Variants in CNBD1 observed in about 807,000 individuals in gnomAD.
CNBD1 encodes the protein cyclic nucleotide binding domain containing 1.
A neutral mutation model predicts 54.4 loss-of-function variants in CNBD1; 71 were observed. The observed-to-expected ratio is 1.30, with a 90% CI of 1.08 to 1.59. CNBD1 has a LOEUF of 1.59. CNBD1 is among the 40% of genes most tolerant of loss of function. CNBD1 has a pLI of 0.00. For synonymous variants in CNBD1, 182 were observed against 170.7 expected, an observed-to-expected ratio of 1.07 and a Z score of -0.51; for missense variants, 659 against 518.0, an observed-to-expected ratio of 1.27 and a Z score of -2.64.
intron 4 of CNBD1, among the ~76,000 whole-genome samples, chr8:87,152,876 A>T (rs1200027068): frequency 6.6e-6 from 1 of 152,168 alleles, no homozygotes; most frequent in Non-Finnish European, 1.5e-5. Flanking sequence ...AAGTTGTGTT[A>T]TATTAGTTTC....
chr8:87,370,568 G>T (rs1810763569), intron 10 of CNBD1, among the ~76,000 whole-genome samples: 1 of 151,930 alleles, frequency 6.6e-6, no homozygotes. Flanking sequence ...ACTTTTTGAT[G>T]GGGTTGTTTG....
At chr8:87,328,635 C>G (rs778954555) in intron 8 of CNBD1, among the ~76,000 whole-genome samples, 29 of 152,020 alleles carry the variant, frequency 1.9e-4, no homozygotes, top group Non-Finnish European at 3.8e-4. Flanking sequence ...GTCTGTTTAT[C>G]TATAAAATGC....
intron 6 of CNBD1, among the ~76,000 whole-genome samples, chr8:87,267,163 C>T (rs1808275145): frequency 6.6e-6 from 1 of 151,884 alleles, no homozygotes. Context: ...TCAAAAAGGA[C>T]AATATAATGA....
chr8:86,899,138 GAT>G (rs1379340763), intron 2 of CNBD1, among the ~76,000 whole-genome samples: 3 of 152,000 alleles, frequency 2.0e-5, no homozygotes, highest in African/African-American at 7.2e-5. Context: ...CAAATACAGA[GAT>G]AGAGAACAGT....
intron 4 of CNBD1, among the ~76,000 whole-genome samples, chr8:87,179,077 AT>A (rs534862853): frequency 1.7e-3 from 265 of 152,134 alleles, no homozygotes; most frequent in Non-Finnish European, 2.9e-3. Flanking sequence ...TGCCCAGCTA[AT>A]TTTTGTATTT....
chr8:87,005,618 G>C (rs1809082412), intron 4 of CNBD1, among the ~76,000 whole-genome samples: 1 of 151,750 alleles, frequency 6.6e-6, no homozygotes, highest in Admixed American at 6.6e-5. Flanking sequence ...AATTCAGTAG[G>C]ATTATCATGT....
At chr8:87,333,472 A>G (rs975468235) in intron 8 of CNBD1, among the ~76,000 whole-genome samples, 1 of 152,110 alleles carries the variant, frequency 6.6e-6, no homozygotes, top group Non-Finnish European at 1.5e-5. Context: ...AGGGAATACT[A>G]CCAGCTTTTG....
intron 4 of CNBD1, among the ~76,000 whole-genome samples, chr8:86,976,101 G>C (rs1808335273): frequency 6.8e-6 from 1 of 148,142 alleles, no homozygotes. Flanking sequence ...TGAGTAATTT[G>C]AGTTTCTTAT....
chr8:87,096,985 C>T (rs140866885), intron 4 of CNBD1, among the ~76,000 whole-genome samples: 26 of 152,294 alleles, frequency 1.7e-4, no homozygotes, highest in African/African-American at 6.3e-4. Flanking sequence ...TACTTGGAAG[C>T]AGACACAGCT....
intron 8 of CNBD1, among the ~76,000 whole-genome samples, chr8:87,323,936 G>C (rs1586013148): frequency 7.2e-6 from 1 of 138,434 alleles, no homozygotes; most frequent in Middle Eastern, 3.6e-3. Context: ...ATTGGCTGTG[G>C]GTTTGCCATA....
At chr8:87,219,138 G>A (rs1177847825) in intron 5 of CNBD1, among the ~76,000 whole-genome samples, 1 of 151,922 alleles carries the variant, frequency 6.6e-6, no homozygotes, top group African/African-American at 2.4e-5. Flanking sequence ...TGATACATGA[G>A]GCTTAGACAT....
intron 8 of CNBD1, among the ~76,000 whole-genome samples, chr8:87,303,967 C>T (rs1220015594): frequency 6.6e-6 from 1 of 152,014 alleles, no homozygotes; most frequent in African/African-American, 2.4e-5. Flanking sequence ...GAATGTCGAT[C>T]ATTAAAAAGT....
chr8:86,936,630 C>T (rs548827782), intron 3 of CNBD1, among the ~76,000 whole-genome samples: 6 of 151,512 alleles, frequency 4.0e-5, no homozygotes, highest in Non-Finnish European at 7.4e-5. Flanking sequence ...GTAGTCCCAG[C>T]TACTCAGGAG....
rs1808760321 is a variant in CNBD1 at position 87,290,132 on chromosome 8, C to T, written c.1042+3461C>T. Among the ~76,000 whole-genome samples the T allele has an allele frequency of 1.3e-5, 2 of 152,016 alleles. 1 individual carries two copies. Among genetic ancestry groups the T allele is most frequent in the South Asian group, 4.1e-4 (2 of 4,830 alleles). On this transcript the variant is annotated intron_variant, in intron 8 of 10. Coordinates refer to ENST00000518476, the MANE Select transcript of CNBD1 (RefSeq NM_173538.3). ...CCAGTTTTAAATGTGACTCATGTAGCTCTATTTCCATTTCCTCCTTTATAT... is the reference window on the plus strand; with the variant it reads ...CCAGTTTTAAATGTGACTCATGTAGTTCTATTTCCATTTCCTCCTTTATAT...
intron 4 of CNBD1, among the ~76,000 whole-genome samples, chr8:87,181,953 T>A (rs904979084): frequency 2.0e-5 from 3 of 152,170 alleles, no homozygotes; most frequent in Non-Finnish European, 4.4e-5. Context: ...ATGAGTACAT[T>A]GTGTGTTACT....
chr8:87,320,258 G>C (rs948748295), intron 8 of CNBD1, among the ~76,000 whole-genome samples: 3 of 152,028 alleles, frequency 2.0e-5, no homozygotes, highest in Admixed American at 6.6e-5. Flanking sequence ...ATAACTAATT[G>C]TGTTTTGTGC....
chr8:87,052,140 G>A (rs576645375), intron 4 of CNBD1, among the ~76,000 whole-genome samples: 1 of 152,182 alleles, frequency 6.6e-6, no homozygotes, highest in Non-Finnish European at 1.5e-5. Context: ...AAGCACTAGT[G>A]CCTGTGTCTC....
intron 4 of CNBD1, among the ~76,000 whole-genome samples, chr8:86,964,993 C>T (rs1402243961): frequency 6.6e-6 from 1 of 152,174 alleles, no homozygotes; most frequent in African/African-American, 2.4e-5. Context: ...TTCTGTGCCT[C>T]AAGGTGCTTA....
At chr8:87,022,048 G>A (rs1245123380) in intron 4 of CNBD1, among the ~76,000 whole-genome samples, 1 of 152,212 alleles carries the variant, frequency 6.6e-6, no homozygotes, top group African/African-American at 2.4e-5. Flanking sequence ...TGAACTTACA[G>A]ATTAAGCATA....
Sources: allele counts gnomAD v4.1 joint callset (sites outside exome capture counted in the v4.1 genomes callset), GRCh38; gene constraint gnomAD v4.1.1; transcripts MANE v1.5; gene names NCBI Gene and HGNC (gene_info 2026-07-23, HGNC 2026-07-21).